WDR59: variants seen among roughly 807,000 people sequenced by gnomAD.
The protein encoded by WDR59 is WD repeat domain 59, also known as GATOR2 complex protein WDR59.
WDR59 carries 100 observed loss-of-function variants against 131.2 expected under a neutral mutation model. That is an observed-to-expected ratio of 0.76 (90% CI 0.65 to 0.90). The LOEUF is 0.90. Ranked by LOEUF, WDR59 falls within the 40% of genes least tolerant of loss-of-function variation. The pLI is 0.00. For missense variants in WDR59, 1,203 were observed against 1,262.2 expected (o/e 0.95, Z 0.71); for synonymous variants, 601 against 466.2 (o/e 1.29, Z -3.72).
At chr16:74,877,088 GTGTTCT>G (rs1262963034) in intron 25 of WDR59, among the ~76,000 whole-genome samples, 1 of 151,992 alleles carries the variant, frequency 6.6e-6, no homozygotes, top group Non-Finnish European at 1.5e-5. Context: ...GATAATTGAT[GTGTTCT>G]ATTAGTTCAT....
chr16:74,935,787 A>G (rs2031749949), intron 8 of WDR59, among the ~76,000 whole-genome samples: 1 of 152,060 alleles, frequency 6.6e-6, no homozygotes, highest in African/African-American at 2.4e-5. Context: ...GCACAAGGTC[A>G]AGAGATTGAG....
chr16:74,961,507 T>G (rs543575553), intron 2 of WDR59, among the ~76,000 whole-genome samples: 1 of 152,322 alleles, frequency 6.6e-6, no homozygotes, highest in East Asian at 1.9e-4. Flanking sequence ...CGAGAGATGG[T>G]CTCTCATTGT....
At chr16:74,924,431 T>C (rs1014812017) in intron 8 of WDR59, among the ~76,000 whole-genome samples, 8 of 152,190 alleles carry the variant, frequency 5.3e-5, no homozygotes, top group Admixed American at 3.9e-4. Flanking sequence ...GTAACAACCA[T>C]ATATGTTATT....
intron 9 of WDR59, among the ~76,000 whole-genome samples, chr16:74,922,792 T>C (rs1173243221): frequency 6.6e-6 from 1 of 152,244 alleles, no homozygotes; most frequent in Non-Finnish European, 1.5e-5. Context: ...AGCAAACATA[T>C]TAATCCAGAA....
rs760792072 is a variant in WDR59, at chr16:74,984,965, T to C, written c.53A>G (p.Gln18Arg). Residue 18 changes from glutamine (Q) to arginine (R), a missense_variant and splice_region_variant, in exon 1 of 26, where the codon CAG becomes CGG. By Grantham distance (43) the Gln-to-Arg change is conservative. Coordinates refer to ENST00000262144, the MANE Select transcript of WDR59 (RefSeq NM_030581.4). ...GGCTCCACTCGGCCTCTAGCTCACC[T>C]GGGAGTCACGGAACTCTACAACCAC... ...ENVVVEFRDSQATAMSVDCLG... is the reference protein window; with the variant it reads ...ENVVVEFRDSRATAMSVDCLG... 21 of 1,604,048 alleles carry C rather than the reference T, an allele frequency of 1.3e-5. No homozygotes were observed. Among genetic ancestry groups the C allele is most frequent in the African/African-American group, 2.7e-5 (2 of 74,754 alleles).
At chr16:74,974,438 C>G (rs899452712) in intron 1 of WDR59, among the ~76,000 whole-genome samples, 8 of 152,118 alleles carry the variant, frequency 5.3e-5, no homozygotes, top group African/African-American at 7.2e-5. Flanking sequence ...GACCACTACG[C>G]TAGGTGTTCC....
chr16:74,883,020 CTTTTTTTTTTT>C (rs948092826), intron 25 of WDR59, among the ~76,000 whole-genome samples: 34 of 111,250 alleles, frequency 3.1e-4, no homozygotes, highest in African/African-American at 1.2e-3. Context: ...TTGTTTTTTG[CTTTTTTTTTTT>C]TTTTTTTTTT....
At chr16:74,963,188 G>C (rs1359054769) in intron 2 of WDR59, 1 of 152,216 alleles carries the variant, frequency 6.6e-6, no homozygotes, top group African/African-American at 2.4e-5. Flanking sequence ...GGGAGGCAGA[G>C]GTTGTAGTGA....
At chr16:74,886,194 A>AAAAAAAAAAAAGCAC in intron 24 of WDR59, 76 bp downstream of exon 24, 1 of 1,503,220 alleles carries the variant, frequency 6.7e-7, no homozygotes, top group African/African-American at 1.4e-5. Flanking sequence ...AAAAAAAGTA[A>AAAAAAAAAAAAGCAC]GAGTTGTGAT....
chr16:74,898,273 T>A (rs1965385800), intron 18 of WDR59, among the ~76,000 whole-genome samples: 1 of 152,274 alleles, frequency 6.6e-6, no homozygotes, highest in Non-Finnish European at 1.5e-5. Context: ...AAGCCCCTGA[T>A]CCTCCTGCAT....
chr16:74,981,378 A>G (rs2034397189), intron 1 of WDR59, among the ~76,000 whole-genome samples: 1 of 146,398 alleles, frequency 6.8e-6, no homozygotes, highest in African/African-American at 2.5e-5. Flanking sequence ...TCTGTCTCAA[A>G]AAAAAAACAA....
intron 18 of WDR59, among the ~76,000 whole-genome samples, chr16:74,901,669 T>A (rs1260711663): frequency 3.4e-5 from 5 of 146,640 alleles, no homozygotes; most frequent in African/African-American, 7.7e-5. Context: ...AAAAAAAAAA[T>A]TCCAAAACCA....
intron 25 of WDR59, among the ~76,000 whole-genome samples, chr16:74,883,602 C>T (rs559561542): frequency 5.3e-4 from 80 of 152,332 alleles, no homozygotes; most frequent in African/African-American, 1.9e-3. Flanking sequence ...CTACATTTGG[C>T]AGCCTTCCAT....
At chr16:74,937,419 T>G (rs984861607) in intron 8 of WDR59, among the ~76,000 whole-genome samples, 3 of 152,208 alleles carry the variant, frequency 2.0e-5, no homozygotes, top group African/African-American at 7.2e-5. Flanking sequence ...TTGTAAACTT[T>G]GAAACCTTAA....
intron 10 of WDR59, among the ~76,000 whole-genome samples, chr16:74,921,577 C>A (rs2030234554): frequency 6.6e-6 from 1 of 152,058 alleles, no homozygotes; most frequent in African/African-American, 2.4e-5. Context: ...TACTAAAGAC[C>A]ACCTTGGGTC....
intron 8 of WDR59, 27 bp from the exon 9 acceptor site, chr16:74,924,030 G>C (rs777702368): frequency 8.1e-6 from 13 of 1,604,962 alleles, no homozygotes; most frequent in Non-Finnish European, 1.1e-5. Context: ...AAGATCATTT[G>C]TGAAATAAAT....
chr16:74,957,347 C>G (rs1168232736), intron 2 of WDR59, among the ~76,000 whole-genome samples: 1 of 152,148 alleles, frequency 6.6e-6, no homozygotes, highest in African/African-American at 2.4e-5. Flanking sequence ...TCCCAAAGTA[C>G]TGGGATTACA....
chr16:74,876,846 C>T (rs1029714278), intron 25 of WDR59, among the ~76,000 whole-genome samples: 1 of 152,122 alleles, frequency 6.6e-6, no homozygotes, highest in African/African-American at 2.4e-5. Context: ...CACTTCAGGG[C>T]ATACAAAGGG....
At chr16:74,965,716 C>G (rs2145195983) in intron 2 of WDR59, 57 bp downstream of exon 2, 1 of 1,602,394 alleles carries the variant, frequency 6.2e-7, no homozygotes, top group Non-Finnish European at 8.5e-7. Flanking sequence ...CCCAGAAACC[C>G]CGATTTGCAA....
Sources: gnomAD v4.1 joint callset for allele counts (sites outside exome capture counted in the v4.1 genomes callset) on GRCh38, gnomAD v4.1.1 for gene constraint, MANE v1.5 for transcripts, NCBI Gene and HGNC (gene_info 2026-07-23, HGNC 2026-07-21) for gene names.